SEMA6D: variants seen among roughly 807,000 people sequenced by gnomAD.
SEMA6D encodes semaphorin-6D.
Under a neutral mutation model 106.6 loss-of-function variants are expected in SEMA6D, and 35 were observed. That is an observed-to-expected ratio of 0.33 (90% confidence interval 0.25 to 0.44). The LOEUF is 0.44. Among genes scored for constraint, SEMA6D ranks in the 20% least tolerant of loss-of-function variants. The pLI is 1.00. For synonymous variants in SEMA6D, 499 were observed against 487.7 expected, an observed-to-expected ratio of 1.02 and a Z score of -0.31; for missense variants, 1,185 against 1,345.9, an observed-to-expected ratio of 0.88 and a Z score of 1.87.
intron 3 of SEMA6D, among the ~76,000 whole-genome samples, chr15:47,471,909 T>G (rs188510490): frequency 5.7e-5 from 7 of 123,212 alleles, no homozygotes; most frequent in Non-Finnish European, 8.1e-5. Flanking sequence ...GCTCTTTCTC[T>G]CTCTCTCTCT....
At chr15:47,500,761 T>G in intron 3 of SEMA6D, among the ~76,000 whole-genome samples, 1 of 152,114 alleles carries the variant, frequency 6.6e-6, no homozygotes, top group East Asian at 1.9e-4. Context: ...AACTAATAGA[T>G]AAAAAAATAG....
intron 4 of SEMA6D, among the ~76,000 whole-genome samples, chr15:47,639,065 G>A (rs146265683): frequency 2.0e-4 from 30 of 152,288 alleles, no homozygotes; most frequent in South Asian, 2.1e-4. Flanking sequence ...CTCTGCTCAC[G>A]TGAGGTGCCC....
At chr15:47,613,358 C>T (rs1221984533) in intron 4 of SEMA6D, among the ~76,000 whole-genome samples, 2 of 152,020 alleles carry the variant, frequency 1.3e-5, no homozygotes, top group African/African-American at 4.8e-5. Flanking sequence ...TTATTGAGCC[C>T]CTGTATGCAT....
At chr15:47,742,819 A>G (rs1374790321) in intron 1 of SEMA6D, among the ~76,000 whole-genome samples, 1 of 152,232 alleles carries the variant, frequency 6.6e-6, no homozygotes, top group Non-Finnish European at 1.5e-5. Flanking sequence ...TCCTTCATAC[A>G]AAGGACCCCA....
intron 3 of SEMA6D, among the ~76,000 whole-genome samples, chr15:47,544,823 G>A (rs976554009): frequency 6.6e-6 from 1 of 151,888 alleles, no homozygotes; most frequent in African/African-American, 2.4e-5. Context: ...TTTGGGGGTA[G>A]CCTTCAATAC....
intron 1 of SEMA6D, among the ~76,000 whole-genome samples, chr15:47,231,544 A>G (rs2032197972): frequency 6.6e-6 from 1 of 152,072 alleles, no homozygotes; most frequent in Admixed American, 6.6e-5. Flanking sequence ...TTTTAAATAC[A>G]CACACATATT....
intron 1 of SEMA6D, among the ~76,000 whole-genome samples, chr15:47,752,908 C>T (rs2081522325): frequency 6.6e-6 from 1 of 151,578 alleles, no homozygotes; most frequent in African/African-American, 2.4e-5. Flanking sequence ...ACTTTGGAGG[C>T]TGAGGCAGGA....
chr15:47,325,195 C>T (rs2037081659), intron 1 of SEMA6D, among the ~76,000 whole-genome samples: 1 of 150,610 alleles, frequency 6.6e-6, no homozygotes, highest in East Asian at 2.0e-4. Flanking sequence ...TTTTTTAAGA[C>T]AGAGTCTCGC....
intron 1 of SEMA6D, among the ~76,000 whole-genome samples, chr15:47,407,109 A>G (rs1391122130): frequency 2.6e-5 from 4 of 152,188 alleles, no homozygotes; most frequent in Admixed American, 2.6e-4. Flanking sequence ...TCATGCCTGT[A>G]ATCCCAGGAC....
chr15:47,458,031 A>G (rs1183564938), intron 2 of SEMA6D, among the ~76,000 whole-genome samples: 2 of 151,950 alleles, frequency 1.3e-5, no homozygotes, highest in Non-Finnish European at 2.9e-5. Flanking sequence ...ATTTTCAACC[A>G]AGAATTTATA....
At chr15:47,527,453 A>G (rs2044799924) in intron 3 of SEMA6D, among the ~76,000 whole-genome samples, 1 of 152,254 alleles carries the variant, frequency 6.6e-6, no homozygotes, top group Non-Finnish European at 1.5e-5. Flanking sequence ...CTAGTTCCAA[A>G]AGAAAACCAG....
At chr15:47,593,157 C>A (rs1379402102) in intron 3 of SEMA6D, among the ~76,000 whole-genome samples, 4 of 152,106 alleles carry the variant, frequency 2.6e-5, no homozygotes, top group African/African-American at 7.2e-5. Flanking sequence ...ATAATCCCAG[C>A]ACTTTGGGAA....
chr15:47,759,259 A>G (rs3809485), intron 1 of SEMA6D, among the ~76,000 whole-genome samples: 74,714 of 151,980 alleles, frequency 0.49, 18,766 homozygotes, highest in South Asian at 0.62. Flanking sequence ...TGGCAACACC[A>G]TAAGCAAAGA....
At chr15:47,545,871 C>T (rs1201113959) in intron 3 of SEMA6D, among the ~76,000 whole-genome samples, 2 of 152,078 alleles carry the variant, frequency 1.3e-5, no homozygotes, top group Non-Finnish European at 2.9e-5. Flanking sequence ...CATCTGCCCT[C>T]CTTATCATTT....
At chr15:47,191,549 C>T (rs1167692668) in intron 1 of SEMA6D, among the ~76,000 whole-genome samples, 1 of 152,124 alleles carries the variant, frequency 6.6e-6, no homozygotes, top group Non-Finnish European at 1.5e-5. Flanking sequence ...TAGGAAACCT[C>T]ACTTAATTTC....
intron 1 of SEMA6D, among the ~76,000 whole-genome samples, chr15:47,194,889 G>A (rs1223799999): frequency 6.6e-6 from 1 of 152,126 alleles, no homozygotes; most frequent in Non-Finnish European, 1.5e-5. Flanking sequence ...GTTGAATGAT[G>A]TTCTCTTTGT....
At position 47,772,523 on chromosome 15, in the gene SEMA6D, G is replaced by A. The variant is rs1223097119; in HGVS notation, c.*738G>A. Reference sequence around the variant, plus strand: ...GTCCATTGGGTTCAGCTTTGAAAGAGGAATAGAATCGAGGCTCCTTTGACC... The same window carrying A: ...GTCCATTGGGTTCAGCTTTGAAAGAAGAATAGAATCGAGGCTCCTTTGACC... On this transcript the variant is annotated 3_prime_UTR_variant, in exon 19 of 19. Transcript: ENST00000536845. The A allele has an allele frequency of 6.6e-6, 1 of 152,452 alleles. No homozygotes were observed. Among genetic ancestry groups the A allele is most frequent in the African/African-American group, 2.4e-5 (1 of 41,376 alleles). 9.4% of individuals were successfully genotyped at this position (152,452 alleles called of 1,614,324 possible). A position where few individuals can be genotyped will look rare whatever the true frequency, so the allele number is the denominator to read the frequency against.
At chr15:47,594,785 G>C (rs1212791689) in intron 3 of SEMA6D, among the ~76,000 whole-genome samples, 1 of 152,190 alleles carries the variant, frequency 6.6e-6, no homozygotes, top group Non-Finnish European at 1.5e-5. Flanking sequence ...CCCAGTTTAG[G>C]AAGATTGAGA....
At chr15:47,665,414 C>T (rs2078006832) in intron 4 of SEMA6D, among the ~76,000 whole-genome samples, 1 of 152,010 alleles carries the variant, frequency 6.6e-6, no homozygotes, top group South Asian at 2.1e-4. Context: ...ATCCTGTAAG[C>T]TTTTCAGGAA....
Sources: gnomAD v4.1 joint callset for allele counts (sites outside exome capture counted in the v4.1 genomes callset) on GRCh38, gnomAD v4.1.1 for gene constraint, MANE v1.5 for transcripts, NCBI Gene and HGNC (gene_info 2026-07-23, HGNC 2026-07-21) for gene names.